The following BICC1 variants were observed in gnomAD, a reference collection of about 807,000 sequenced individuals.
The protein encoded by BICC1 is protein bicaudal C homolog 1.
BICC1 carries 43 observed loss-of-function variants against 111.0 expected under a neutral mutation model. That is an observed-to-expected ratio of 0.39 (90% CI 0.30 to 0.50). BICC1 has a LOEUF of 0.50. Among genes scored for constraint, BICC1 ranks in the 20% least tolerant of loss-of-function variants. The probability of loss-of-function intolerance (pLI) is 0.88; values close to 1 mark genes in which losing one functional copy is unlikely to be tolerated. For missense variants in BICC1, 1,091 were observed against 1,203.2 expected (o/e 0.91, Z 1.38); for synonymous variants, 467 against 434.4 (o/e 1.07, Z -0.93).
chr10:58,556,820 G>A (rs1294353418), intron 1 of BICC1, among the ~76,000 whole-genome samples: 2 of 151,836 alleles, frequency 1.3e-5, no homozygotes, highest in Non-Finnish European at 2.9e-5. Context: ...AGTCATATGA[G>A]GCTTCCATTT....
At chr10:58,604,441 G>A (rs1280501045) in intron 1 of BICC1, among the ~76,000 whole-genome samples, 2 of 152,120 alleles carry the variant, frequency 1.3e-5, no homozygotes, top group East Asian at 1.9e-4. Flanking sequence ...AGGCCGAGGC[G>A]AGTGGATCAC....
intron 2 of BICC1, among the ~76,000 whole-genome samples, chr10:58,658,846 C>T (rs891632912): frequency 2.6e-5 from 4 of 151,928 alleles, no homozygotes; most frequent in Non-Finnish European, 5.9e-5. Flanking sequence ...CTTTCTGTGC[C>T]CCAGCTCTGA....
chr10:58,626,007 T>G (rs905475825), intron 2 of BICC1, among the ~76,000 whole-genome samples: 1 of 152,182 alleles, frequency 6.6e-6, no homozygotes, highest in Non-Finnish European at 1.5e-5. Flanking sequence ...GAGTCTGTGC[T>G]TAAACACAAA....
rs1183001955 is a variant in BICC1 at position 58,589,104 on chromosome 10, A to T, written c.191-31751A>T. ...ACCGGTGACGGTGATTGGTGGGTGA[A>T]TACCATCTCTGCAGTCTCCGAGAGT... On this transcript the variant is annotated intron_variant, in intron 1 of 20. Transcript: ENST00000373886. Among the ~76,000 whole-genome samples the T allele has an allele frequency of 3.9e-5, 6 of 152,244 alleles. No homozygotes were observed. The East Asian group carries it at 1.2e-3, about 29-fold the overall frequency.
chr10:58,715,691 G>A lies in BICC1; in HGVS notation c.307+13548G>A, dbSNP rs1431945374. Reference sequence around the variant, plus strand: ...GGCCTACCTGGGAAGAAGTAAAAGAGCAACTAGAAAAGAAAAAGAAAGGTT... The same window carrying A: ...GGCCTACCTGGGAAGAAGTAAAAGAACAACTAGAAAAGAAAAAGAAAGGTT... On this transcript the variant is annotated intron_variant, in intron 3 of 20. Transcript: ENST00000373886. 9 of 1,590,448 alleles carry A rather than the reference G, an allele frequency of 5.7e-6. No individual in the cohort carries two copies. The Admixed American group carries it at 1.3e-4, about 24-fold the overall frequency.
intron 2 of BICC1, among the ~76,000 whole-genome samples, chr10:58,694,925 G>A (rs1840025761): frequency 6.6e-6 from 1 of 152,144 alleles, no homozygotes; most frequent in Non-Finnish European, 1.5e-5. Context: ...TCCTTCATAG[G>A]CCAAGGGAGG....
intron 2 of BICC1, among the ~76,000 whole-genome samples, chr10:58,626,108 C>G (rs1845984064): frequency 6.6e-6 from 1 of 152,094 alleles, no homozygotes; most frequent in East Asian, 1.9e-4. Context: ...GCTCACAATT[C>G]AAATTTATAA....
intron 1 of BICC1, among the ~76,000 whole-genome samples, chr10:58,612,864 T>C (rs1166341243): frequency 6.6e-6 from 1 of 152,200 alleles, no homozygotes; most frequent in Non-Finnish European, 1.5e-5. Context: ...GAAAAGGATA[T>C]TTAAACAGAA....
At chr10:58,559,977 A>C (rs1843559180) in intron 1 of BICC1, among the ~76,000 whole-genome samples, 1 of 148,426 alleles carries the variant, frequency 6.7e-6, no homozygotes, top group Non-Finnish European at 1.5e-5. Flanking sequence ...TGTTTTGTTG[A>C]GGATTTTTGC....
chr10:58,664,052 T>TAA (rs1838930636), intron 2 of BICC1, among the ~76,000 whole-genome samples: 1 of 152,190 alleles, frequency 6.6e-6, no homozygotes, highest in Non-Finnish European at 1.5e-5. Flanking sequence ...TGTGTAAACA[T>TAA]ATATTTTCAC....
chr10:58,771,053 T>C (rs549323045), intron 3 of BICC1, among the ~76,000 whole-genome samples: 26 of 152,340 alleles, frequency 1.7e-4, no homozygotes, highest in Non-Finnish European at 3.1e-4. Context: ...AATCTATTTC[T>C]ATGGACACCT....
At position 58,513,167 on chromosome 10, in the gene BICC1, C is replaced by T. The variant is rs746988736; in HGVS notation, c.24C>T (p.Gly8=). The T allele has an allele frequency of 7.2e-5, 113 of 1,561,698 alleles. No homozygotes were observed. Among genetic ancestry groups the T allele is most frequent in the Non-Finnish European group, 9.5e-5 (110 of 1,156,542 alleles). The change falls in exon 1 of 21, where the codon GGC becomes GGT. Residue 8 remains glycine (G), a synonymous_variant. Coordinates refer to ENST00000373886, the MANE Select transcript of BICC1 (RefSeq NM_001080512.3). MAAQGEP[G]YLAAQSDPGS... ...CCATGGCCGCCCAGGGAGAGCCCGG[C>T]TACCTGGCGGCGCAGTCGGACCCCG...
Position 58,773,874 on chromosome 10 carries a change from C to T in BICC1, c.308-11127C>T, listed in dbSNP as rs148629884. Among the ~76,000 whole-genome samples, 71 of 152,276 alleles carry T rather than the reference C, an allele frequency of 4.7e-4. 2 individuals carry two copies. In the East Asian group the frequency reaches 0.013, roughly 28 times the overall value. Reference sequence around the variant, plus strand: ...GCTTAATCACACCCTGAGAATAATACCCAAATATTGCTTTTCTAAATGTCC... The same window carrying T: ...GCTTAATCACACCCTGAGAATAATATCCAAATATTGCTTTTCTAAATGTCC... On this transcript the variant is annotated intron_variant, in intron 3 of 20. Coordinates refer to ENST00000373886, the MANE Select transcript of BICC1 (RefSeq NM_001080512.3).
chr10:58,658,161 C>T (rs1158864375), intron 2 of BICC1, among the ~76,000 whole-genome samples: 1 of 152,168 alleles, frequency 6.6e-6, no homozygotes, highest in East Asian at 1.9e-4. Context: ...ATCAAGTCTT[C>T]ACCTACAAGC....
chr10:58,825,617 T>C (rs1399303598), intron 20 of BICC1, among the ~76,000 whole-genome samples: 1 of 152,222 alleles, frequency 6.6e-6, no homozygotes, highest in Non-Finnish European at 1.5e-5. Flanking sequence ...AACTGTGTTA[T>C]ATACAGTACT....
At chr10:58,679,952 A>C (rs1008047630) in intron 2 of BICC1, among the ~76,000 whole-genome samples, 1 of 152,234 alleles carries the variant, frequency 6.6e-6, no homozygotes, top group Non-Finnish European at 1.5e-5. Context: ...TGATTACCTC[A>C]ATAGATGTAG....
chr10:58,569,038 C>T (rs1564491771), intron 1 of BICC1, among the ~76,000 whole-genome samples: 1 of 152,110 alleles, frequency 6.6e-6, no homozygotes, highest in African/African-American at 2.4e-5. Flanking sequence ...GAATTTTCAG[C>T]TTGGGCCCTT....
intron 1 of BICC1, among the ~76,000 whole-genome samples, chr10:58,517,605 C>T (rs1842276450): frequency 6.6e-6 from 1 of 152,116 alleles, no homozygotes; most frequent in Non-Finnish European, 1.5e-5. Flanking sequence ...GGCTAATAAA[C>T]AGCAAAAACA....
At chr10:58,751,358 G>A (rs1419209126) in intron 3 of BICC1, among the ~76,000 whole-genome samples, 1 of 152,100 alleles carries the variant, frequency 6.6e-6, no homozygotes, top group Non-Finnish European at 1.5e-5. Flanking sequence ...TTTCTGACTG[G>A]TGTCAGCCTA....
Sources: gnomAD v4.1 joint callset for allele counts (sites outside exome capture counted in the v4.1 genomes callset) on GRCh38, gnomAD v4.1.1 for gene constraint, MANE v1.5 for transcripts, NCBI Gene and HGNC (gene_info 2026-07-23, HGNC 2026-07-21) for gene names.